Variants in PATJ observed in about 807,000 individuals in gnomAD.
PATJ encodes inaD-like protein.
A neutral mutation model predicts 224.9 loss-of-function variants in PATJ; 190 were observed. That is an observed-to-expected ratio of 0.84 (90% CI 0.75 to 0.95). PATJ has a LOEUF of 0.95. PATJ is among the 40% of genes least tolerant of loss of function. PATJ has a pLI of 0.00. For missense variants in PATJ, 2,121 were observed against 2,270.3 expected, an observed-to-expected ratio of 0.93 and a Z score of 1.34; for synonymous variants, 769 against 820.3, an observed-to-expected ratio of 0.94 and a Z score of 1.07.
chr1:62,000,623 G>A (rs552629517), intron 28 of PATJ, among the ~76,000 whole-genome samples: 2,882 of 150,840 alleles, frequency 0.019, 114 homozygotes, highest in African/African-American at 0.065. Context: ...TTGGTTCCAA[G>A]TCTTTGCTAT....
intron 6 of PATJ, among the ~76,000 whole-genome samples, chr1:61,773,271 C>T (rs566268241): frequency 3.8e-4 from 58 of 152,134 alleles, no homozygotes; most frequent in South Asian, 1.2e-3. Flanking sequence ...ATCTGCCCAC[C>T]TCGGCTTCCA....
In PATJ at chr1:62,051,071, A is replaced by G. The variant is rs776711899; in HGVS notation, c.4125+13A>G. 2.3e-5 allele frequency: 36 copies of G among 1,578,768 alleles called. No homozygotes were observed. The highest frequency in any genetic ancestry group is 5.4e-5 in the African/African-American group (4 of 74,106). ...AAGCTTCAAACTGGTGAGAATCTTG[A>G]GTATTTTTCATCCTGTATTCTGTTT... On this transcript the variant is annotated intron_variant, in intron 31 of 43. Coordinates refer to ENST00000642238, the MANE Select transcript of PATJ (RefSeq NM_001350145.3).
intron 27 of PATJ, among the ~76,000 whole-genome samples, chr1:61,987,406 T>TTA (rs1553232492): frequency 1.3e-5 from 2 of 151,548 alleles, no homozygotes; most frequent in African/African-American, 4.9e-5. Context: ...TCTTTTTTTT[T>TTA]AAAAAAAAGA....
intron 28 of PATJ, among the ~76,000 whole-genome samples, chr1:61,993,297 C>A (rs1035116378): frequency 1.3e-5 from 2 of 152,142 alleles, no homozygotes; most frequent in Admixed American, 1.3e-4. Context: ...GATAGATATA[C>A]AGATTGAGGT....
rs1024063938 is a variant in PATJ at position 61,801,765 on chromosome 1, A to G, written c.1545A>G (p.Lys515=). 1 of 1,581,492 alleles carries G rather than the reference A, an allele frequency of 6.3e-7. No homozygotes were observed. Among genetic ancestry groups the G allele is most frequent in the African/African-American group, 1.4e-5 (1 of 73,780 alleles). ...ATGACAACATACAAGCCTTAGAAAA[A>G]TTGGGTAGGCACAAAGCATTCACTT... The part of the protein sequence containing the change: ...LKNDNIQALE[K]LEKVPDSPEN... The change falls in exon 12 of 44, where the codon AAA becomes AAG. Residue 515 remains lysine, a synonymous_variant. Coordinates refer to ENST00000642238, the MANE Select transcript of PATJ (RefSeq NM_001350145.3).
intron 17 of PATJ, among the ~76,000 whole-genome samples, chr1:61,853,274 A>G (rs1488037143): frequency 6.6e-6 from 1 of 152,142 alleles, no homozygotes; most frequent in Non-Finnish European, 1.5e-5. Context: ...GTCCTTTAGA[A>G]TGTTCCTAAA....
chr1:61,845,962 C>T (rs912608733), intron 17 of PATJ: 7 of 152,164 alleles, frequency 4.6e-5, no homozygotes, highest in African/African-American at 1.7e-4. Flanking sequence ...GAATGTAACA[C>T]CACGAGGTGA....
chr1:61,773,021 C>T (rs1646704853), intron 6 of PATJ, among the ~76,000 whole-genome samples: 1 of 152,152 alleles, frequency 6.6e-6, no homozygotes, highest in Middle Eastern at 3.4e-3. Flanking sequence ...ATTAAACAAT[C>T]CCAATATTGC....
chr1:62,015,650 A>T (rs1336572234), intron 28 of PATJ, among the ~76,000 whole-genome samples: 1 of 151,778 alleles, frequency 6.6e-6, no homozygotes, highest in Non-Finnish European at 1.5e-5. Flanking sequence ...CTCCTGTCTC[A>T]GCCTCCCCAG....
chr1:61,771,442 T>G lies in PATJ; in HGVS notation c.536T>G (p.Leu179Ter). The G allele has an allele frequency of 6.3e-7, 1 of 1,587,014 alleles. No homozygotes were observed. The highest frequency in any genetic ancestry group is 8.5e-7 in the Non-Finnish European group (1 of 1,169,616). ...PGSVADRDQR[L>*]KENDQILAIN... ...CTTACATGATTAAGGGATCAAAGAT[T>G]AAAGGAAAATGATCAAATATTGGCC... The change falls in exon 6 of 44, where the codon TTA becomes TGA. Residue 179 changes from leucine (L) to a stop codon, truncating the protein, a stop_gained. Transcript: ENST00000642238. LOFTEE classifies it high-confidence loss of function.
intron 27 of PATJ, among the ~76,000 whole-genome samples, chr1:61,973,643 G>A (rs532940073): frequency 3.3e-5 from 5 of 152,014 alleles, no homozygotes; most frequent in South Asian, 2.1e-4. Context: ...TGACCAGGAA[G>A]CAAACTTAGC....
intron 28 of PATJ, among the ~76,000 whole-genome samples, chr1:61,994,549 C>T (rs1432411591): frequency 2.0e-5 from 3 of 151,704 alleles, no homozygotes; most frequent in Non-Finnish European, 4.4e-5. Context: ...AATGCATATA[C>T]AGGATTCTTT....
At chr1:61,808,563 TA>T (rs1329210899) in intron 14 of PATJ, 33 bp downstream of exon 14, 11 of 1,435,656 alleles carry the variant, frequency 7.7e-6, no homozygotes, top group African/African-American at 1.4e-5. Flanking sequence ...TTAACAGTTT[TA>T]TTTTTTTTAA....
At chr1:61,943,527 A>C (rs961889995) in intron 27 of PATJ, among the ~76,000 whole-genome samples, 1 of 152,128 alleles carries the variant, frequency 6.6e-6, no homozygotes, top group Admixed American at 6.6e-5. Flanking sequence ...GGTGGCAGTG[A>C]GGCTGGGGGA....
chr1:62,121,094 C>G (rs1664989233), intron 37 of PATJ, 87 bp from the exon 38 acceptor site: 2 of 801,898 alleles, frequency 2.5e-6, no homozygotes, highest in Admixed American at 2.4e-5. Flanking sequence ...ATGGTGACAT[C>G]AGTAATTGGC....
At chr1:61,830,702 G>A (rs1389450007) in intron 16 of PATJ, among the ~76,000 whole-genome samples, 4 of 152,066 alleles carry the variant, frequency 2.6e-5, no homozygotes, top group South Asian at 2.1e-4. Context: ...AATGGAACAG[G>A]TTAAAGAACC....
chr1:61,991,528 C>T, intron 28 of PATJ: 1 of 985,278 alleles, frequency 1.0e-6, no homozygotes, highest in Non-Finnish European at 1.2e-6. Context: ...TTTTACTTGC[C>T]TAATAATAAC....
chr1:61,900,123 C>CA (rs1482546248), intron 23 of PATJ, among the ~76,000 whole-genome samples: 1 of 152,156 alleles, frequency 6.6e-6, no homozygotes, highest in Non-Finnish European at 1.5e-5. Context: ...TTTAAGTACT[C>CA]ACCAGTCGCT....
In PATJ at chr1:62,135,255, G is replaced by A. The variant is rs376191542; in HGVS notation, c.5271+6310G>A. 1.4e-3 allele frequency among the ~76,000 whole-genome samples: 206 copies of A among 152,160 alleles called. 1 individual carries two copies. Among genetic ancestry groups the A allele is most frequent in the African/African-American group, 4.8e-3 (199 of 41,524 alleles). On this transcript the variant is annotated intron_variant, in intron 41 of 43. Transcript: ENST00000642238. ...GCTTAGGCCAGGTGTGGTGGCTCAC[G>A]CCTGTAATCCCAGCACTTTGGGAGG...
Sources: gnomAD v4.1 joint callset for allele counts (sites outside exome capture counted in the v4.1 genomes callset) on GRCh38, gnomAD v4.1.1 for gene constraint, MANE v1.5 for transcripts, NCBI Gene and HGNC (gene_info 2026-07-23, HGNC 2026-07-21) for gene names.